TSC22D4: variants seen among roughly 807,000 people sequenced by gnomAD.
The protein encoded by TSC22D4 is TSC22 domain family member 4.
Under a neutral mutation model 24.9 loss-of-function variants are expected in TSC22D4, and 5 were observed. The ratio of observed to expected loss-of-function variants is 0.20; its 90% CI spans 0.10 to 0.42. The LOEUF (loss-of-function observed/expected upper bound fraction) is 0.42, where lower values mean the gene tolerates loss of function less well. Ranked by LOEUF, TSC22D4 falls within the 10% of genes least tolerant of loss-of-function variation. TSC22D4 has a pLI of 1.00. For missense variants in TSC22D4, 469 were observed against 547.9 expected (o/e 0.86, Z 1.44); for synonymous variants, 245 against 243.2 (o/e 1.01, Z -0.07).
At chr7:100,475,436 A>G (rs1799477265) in intron 2 of TSC22D4, among the ~76,000 whole-genome samples, 1 of 152,168 alleles carries the variant, frequency 6.6e-6, no homozygotes, top group South Asian at 2.1e-4. Flanking sequence ...GCATTTCCCC[A>G]TCATTCACTG....
At chr7:100,469,222 TG>T (rs1283173089) in intron 3 of TSC22D4, among the ~76,000 whole-genome samples, 1 of 140,532 alleles carries the variant, frequency 7.1e-6, no homozygotes, top group African/African-American at 2.8e-5. Context: ...AGCAAAACTC[TG>T]TCTTAAAAAA....
chr7:100,467,249 G>C, intron 4 of TSC22D4, 81 bp from the exon 5 acceptor site: 1 of 1,426,830 alleles, frequency 7.0e-7, no homozygotes, highest in South Asian at 1.1e-5. Flanking sequence ...TGGGGTGGGA[G>C]ACAGTCCCCA....
Position 100,467,092 on chromosome 7 carries a change from G to A in TSC22D4, c.1055C>T (p.Ala352Val), listed in dbSNP as rs372395049. The change falls in exon 5 of 5, where the codon GCG (alanine) becomes GTG (valine). Residue 352 changes from alanine (A) to valine (V), a missense_variant. Coordinates refer to ENST00000300181, the MANE Select transcript of TSC22D4 (RefSeq NM_030935.5). ...EVLKEQIRELAERNAALEQEN... is the reference protein window; with the variant it reads ...EVLKEQIRELVERNAALEQEN... Reference sequence around the variant, plus strand: ...CTGCTCCAGCGCAGCGTTCCGCTCCGCCAATTCCCGGATCTGCTCCTTCAG... The same window carrying A: ...CTGCTCCAGCGCAGCGTTCCGCTCCACCAATTCCCGGATCTGCTCCTTCAG... 159 of 1,614,116 alleles carry A rather than the reference G, an allele frequency of 9.9e-5. 6 individuals are homozygous for A. The highest frequency in any genetic ancestry group is 9.2e-4 in the South Asian group (84 of 91,088).
chr7:100,475,636 C>T (rs1204276917), intron 2 of TSC22D4, among the ~76,000 whole-genome samples: 1 of 152,088 alleles, frequency 6.6e-6, no homozygotes, highest in Non-Finnish European at 1.5e-5. Context: ...ACTTCTCGGA[C>T]TCAGGTGGAA....
chr7:100,478,607 G>C (rs1046243694), intron 1 of TSC22D4, among the ~76,000 whole-genome samples, 187 bp downstream of exon 1: 5 of 152,064 alleles, frequency 3.3e-5, no homozygotes, highest in African/African-American at 1.2e-4. Context: ...CAGGGGGCCC[G>C]TATTGTCCCA....
chr7:100,475,825 T>C (rs1799486080), intron 2 of TSC22D4, among the ~76,000 whole-genome samples: 1 of 150,662 alleles, frequency 6.6e-6, no homozygotes, highest in Non-Finnish European at 1.5e-5. Flanking sequence ...CCCCAGCTTC[T>C]CAGAAAAGCC....
intron 2 of TSC22D4, among the ~76,000 whole-genome samples, chr7:100,476,644 G>C (rs1233822075): frequency 6.6e-6 from 1 of 152,180 alleles, no homozygotes; most frequent in Non-Finnish European, 1.5e-5. Flanking sequence ...TCACAGAGAG[G>C]CTCAGATGGA....
chr7:100,467,433 AG>A (rs1471426830), intron 4 of TSC22D4, 118 bp downstream of exon 4: 3 of 1,146,784 alleles, frequency 2.6e-6, no homozygotes, highest in African/African-American at 3.0e-5. Context: ...GCAGCCCAGC[AG>A]GGAGAGGGAC....
In TSC22D4 at chr7:100,474,440, C is replaced by A. The variant is rs774586848; in HGVS notation, c.763G>T (p.Val255Leu). ...CTGGGGCGAGAGTCAAGTGGGGGCA[C>A]CTGGAGGCGGAGAGGTAGGAACCAT... ...ELGAPEEMGQ[V>L]PPLDSRPSSP... is the part of the protein sequence containing the mutation. Residue 255 changes from valine to leucine, a missense_variant and splice_region_variant, in exon 3 of 5, where the codon GTG becomes TTG. Coordinates refer to ENST00000300181, the MANE Select transcript of TSC22D4 (RefSeq NM_030935.5). This position sits in a 1 kb window ranked among gnomAD's most constrained non-coding sequence, Gnocchi z 4.3. 17 of 1,613,660 alleles carry A rather than the reference C, an allele frequency of 1.1e-5. No homozygotes were observed. The highest frequency in any genetic ancestry group is 8.3e-5 in the Admixed American group (5 of 59,978).
chr7:100,468,541 C>T (rs1799333524), intron 3 of TSC22D4, among the ~76,000 whole-genome samples: 1 of 152,180 alleles, frequency 6.6e-6, no homozygotes, highest in Non-Finnish European at 1.5e-5. Context: ...TCATGGGTGA[C>T]CCCTGGGATC....
chr7:100,478,494 T>C (rs926419897), intron 1 of TSC22D4, among the ~76,000 whole-genome samples, 187 bp from the exon 2 acceptor site: 2 of 150,136 alleles, frequency 1.3e-5, no homozygotes, highest in African/African-American at 2.5e-5. Context: ...AGGCAAGAGA[T>C]GACAGAGACC....
At chr7:100,471,193 A>T (rs956486375) in intron 3 of TSC22D4, among the ~76,000 whole-genome samples, 25 of 112,204 alleles carry the variant, frequency 2.2e-4, no homozygotes, top group Non-Finnish European at 3.3e-5. Context: ...GCTGTCCCGG[A>T]TCTGTGGTGT....
At chr7:100,470,739 T>G (rs1799376122) in intron 3 of TSC22D4, among the ~76,000 whole-genome samples, 1 of 152,096 alleles carries the variant, frequency 6.6e-6, no homozygotes, top group African/African-American at 2.4e-5. Context: ...GGGAGGAAAG[T>G]AGGGGCTGCT....
intron 3 of TSC22D4, among the ~76,000 whole-genome samples, chr7:100,469,791 C>A (rs1329860508): frequency 6.6e-6 from 1 of 152,206 alleles, no homozygotes; most frequent in East Asian, 1.9e-4. Context: ...TGCTTTCCTG[C>A]AGGGGGATCA....
rs1010193800 is a variant in TSC22D4 at position 100,479,135 on chromosome 7, C to G, written c.-611G>C. On this transcript the variant is annotated 5_prime_UTR_variant, in exon 1 of 5. Transcript: ENST00000300181. ...TGTCCCGAGTCTCCTCCCGCGTGACCCTGCTGGGTCCGTGTCTCCGCTCCT... is the reference window on the plus strand; with the variant it reads ...TGTCCCGAGTCTCCTCCCGCGTGACGCTGCTGGGTCCGTGTCTCCGCTCCT... The G allele has an allele frequency of 6.6e-6, 1 of 152,438 alleles. No individual in the cohort carries two copies. Among genetic ancestry groups the G allele is most frequent in the Non-Finnish European group, 1.5e-5 (1 of 68,238 alleles). The allele number at this position is 152,438 out of a possible 1,614,324, so 9.4% of individuals were successfully genotyped here.
chr7:100,476,703 C>T (rs749460738), intron 2 of TSC22D4, among the ~76,000 whole-genome samples: 4 of 152,152 alleles, frequency 2.6e-5, no homozygotes, highest in Non-Finnish European at 4.4e-5. Flanking sequence ...ACCAGCAGGC[C>T]CCCTCCCTGT....
chr7:100,477,268 A>T lies in TSC22D4; in HGVS notation c.762+9T>A, dbSNP rs372458497. Reference sequence around the variant, plus strand: ...GGCTGATGGGCCAGCCCTAGAACCCAGGTCTTACCTGCCCCATCTCTTCTG... The same window carrying T: ...GGCTGATGGGCCAGCCCTAGAACCCTGGTCTTACCTGCCCCATCTCTTCTG... On this transcript the variant is annotated intron_variant, in intron 2 of 4. Coordinates refer to ENST00000300181, the MANE Select transcript of TSC22D4 (RefSeq NM_030935.5). The surrounding 1 kb of genome is among the most constrained non-coding windows in gnomAD (Gnocchi z 7.8). 5.2e-5 allele frequency: 77 copies of T among 1,488,486 alleles called. No individual in the cohort carries two copies. The African/African-American group carries it at 8.9e-4, about 17-fold the overall frequency. 92.2% of individuals were successfully genotyped at this position (1,488,486 alleles called of 1,614,324 possible). A position where few individuals can be genotyped will look rare whatever the true frequency, so the allele number is the denominator to read the frequency against.
chr7:100,472,595 G>A (rs1019452275), intron 3 of TSC22D4, among the ~76,000 whole-genome samples: 2 of 152,092 alleles, frequency 1.3e-5, no homozygotes, highest in South Asian at 2.1e-4. Flanking sequence ...GGGAAACGCT[G>A]AGAATAGCAG....
chr7:100,473,331 T>C (rs1799428109), intron 3 of TSC22D4, among the ~76,000 whole-genome samples: 1 of 152,190 alleles, frequency 6.6e-6, no homozygotes, highest in Non-Finnish European at 1.5e-5. Flanking sequence ...CCCTGTGGGC[T>C]ATCAGGATGT....
Sources: gnomAD v4.1 joint callset for allele counts (sites outside exome capture counted in the v4.1 genomes callset) on GRCh38, gnomAD v4.1.1 for gene constraint, Gnocchi (gnomAD v3.1) non-coding constraint, MANE v1.5 for transcripts, NCBI Gene and HGNC (gene_info 2026-07-23, HGNC 2026-07-21) for gene names.